DNMT3A: variants seen among roughly 807,000 people sequenced by gnomAD.
DNMT3A encodes the protein DNA methyltransferase 3 alpha.
A neutral mutation model predicts 117.6 loss-of-function variants in DNMT3A; 267 were observed. That is an observed-to-expected ratio of 2.27 (90% CI 2.05 to 2.51). The LOEUF is 2.51. DNMT3A is among the 30% of genes most tolerant of loss of function. The pLI is 0.00. For missense variants in DNMT3A, 1,029 were observed against 1,260.2 expected, an observed-to-expected ratio of 0.82 and a Z score of 2.78; for synonymous variants, 432 against 474.8, an observed-to-expected ratio of 0.91 and a Z score of 1.17.
chr2:25,292,694 CT>C (rs1359802742), intron 3 of DNMT3A, among the ~76,000 whole-genome samples: 11 of 152,156 alleles, frequency 7.2e-5, no homozygotes, highest in African/African-American at 2.7e-4. Flanking sequence ...GCAGCCTTGC[CT>C]TCCCCTTGAT....
rs1348004798 is a variant in DNMT3A, at chr2:25,235,854, G to A, written c.2479-29C>T. On this transcript the variant is annotated intron_variant, in intron 21 of 22. Coordinates refer to ENST00000321117, the MANE Select transcript of DNMT3A (RefSeq NM_022552.5). ...GATGAAGAGGAGAAAAGAGGAATAA[G>A]CACGAATTCATTCACCAGCCAACAC... 3.1e-6 allele frequency: 5 copies of A among 1,589,020 alleles called. No individual in the cohort carries two copies. In the African/African-American group the frequency reaches 4.0e-5, roughly 13 times the overall value.
chr2:25,288,378 C>A (rs1299253242), intron 3 of DNMT3A, among the ~76,000 whole-genome samples: 1 of 151,920 alleles, frequency 6.6e-6, no homozygotes, highest in African/African-American at 2.4e-5. Context: ...TTGCAGTGAG[C>A]CAAGATCGCT....
intron 6 of DNMT3A, among the ~76,000 whole-genome samples, chr2:25,262,072 C>G (rs1676664496): frequency 6.6e-6 from 1 of 151,954 alleles, no homozygotes; most frequent in African/African-American, 2.4e-5. Context: ...TGCCTGTAAC[C>G]CCACCTACTC....
intron 2 of DNMT3A, among the ~76,000 whole-genome samples, chr2:25,303,422 G>A (rs893412522): frequency 5.9e-5 from 9 of 152,206 alleles, no homozygotes; most frequent in South Asian, 2.1e-4. Context: ...GTAGGTGCTC[G>A]GCACATTTTT....
At chr2:25,310,275 C>G (rs970252774) in intron 2 of DNMT3A, among the ~76,000 whole-genome samples, 1 of 151,810 alleles carries the variant, frequency 6.6e-6, no homozygotes, top group Non-Finnish European at 1.5e-5. Context: ...CTCTGCCCCC[C>G]ACCCTCTGCT....
In DNMT3A at chr2:25,241,683, C is replaced by T. The variant is rs1297531346; in HGVS notation, c.1961G>A (p.Gly654Asp). The stretch of plus-strand genomic sequence containing the variant: ...GGCAATGTAGCGGTCCACCTGAATG[C>T]CCAAGTCCTTCAGCACCAGGAGCCC... ...ATGLLVLKDL[G>D]IQVDRYIASE... is the part of the protein sequence containing the mutation. Residue 654 changes from glycine to aspartate, a missense_variant, in exon 17 of 23, where the codon GGC (glycine) becomes GAC (aspartate). Coordinates refer to ENST00000321117, the MANE Select transcript of DNMT3A (RefSeq NM_022552.5). 2 of 1,614,046 alleles carry T rather than the reference C, an allele frequency of 1.2e-6. No homozygotes were observed. Among genetic ancestry groups the T allele is most frequent in the Non-Finnish European group, 1.7e-6 (2 of 1,179,978 alleles).
At chr2:25,338,622 C>T (rs1327969882) in intron 1 of DNMT3A, among the ~76,000 whole-genome samples, 2 of 152,172 alleles carry the variant, frequency 1.3e-5, no homozygotes, top group Admixed American at 6.5e-5. Context: ...GGAGGCCTCA[C>T]CGCTTGTCCA....
Position 25,252,167 on chromosome 2 carries a change from TC to T in DNMT3A, c.640-3916del. ...CCCTGCCGCCTCCCCGCCCCCGGTCTCCCCGGGGCTCCGTCCAGGAACCTAC... is the reference window on the plus strand; with the variant it reads ...CCCTGCCGCCTCCCCGCCCCCGGTCTCCCGGGGCTCCGTCCAGGAACCTAC... On this transcript the variant is annotated intron_variant, in intron 6 of 22. Transcript: ENST00000321117. The surrounding 1 kb of genome is among the most constrained non-coding windows in gnomAD (Gnocchi z 5.5). 2 of 1,557,440 alleles carry T rather than the reference TC, an allele frequency of 1.3e-6. No individual in the cohort carries two copies. Among genetic ancestry groups the T allele is most frequent in the East Asian group, 2.4e-5 (1 of 40,832 alleles).
intron 2 of DNMT3A, among the ~76,000 whole-genome samples, chr2:25,309,943 C>A (rs547959786): frequency 6.6e-6 from 1 of 152,030 alleles, no homozygotes; most frequent in Non-Finnish European, 1.5e-5. Context: ...GTAGTCCCAG[C>A]TACTCAGGAG....
chr2:25,331,232 C>T (rs1268163412), intron 1 of DNMT3A, among the ~76,000 whole-genome samples: 1 of 152,188 alleles, frequency 6.6e-6, no homozygotes, highest in Non-Finnish European at 1.5e-5. Flanking sequence ...AGCCTGGTGG[C>T]CCCAGCACGA....
At chr2:25,333,431 G>C (rs2035089220) in intron 1 of DNMT3A, among the ~76,000 whole-genome samples, 1 of 152,098 alleles carries the variant, frequency 6.6e-6, no homozygotes, top group Non-Finnish European at 1.5e-5. Context: ...CCGGGTTCAA[G>C]TGATTCTCCT....
rs201882909 is a variant in DNMT3A, at chr2:25,248,039, C to T, written c.853G>A (p.Glu285Lys). 1.2e-6 allele frequency: 2 copies of T among 1,611,886 alleles called. No individual in the cohort carries two copies. Among genetic ancestry groups the T allele is most frequent in the African/African-American group, 1.3e-5 (1 of 74,940 alleles). The change falls in exon 7 of 23, where the codon GAG (glutamate) becomes AAG (lysine). Residue 285 changes from glutamate to lysine, a missense_variant and splice_region_variant. By Grantham distance (56) the Glu-to-Lys change is moderately conservative. Coordinates refer to ENST00000321117, the MANE Select transcript of DNMT3A (RefSeq NM_022552.5). The stretch of plus-strand genomic sequence containing the variant: ...CGGCTGGTGAAGAAGCCGCTCACCT[C>T]GTACTCTGGCTCGTCATCGCCTGCT... ...TKAGDDEPEYEDGRGFGIGEL... is the reference protein window; with the variant it reads ...TKAGDDEPEYKDGRGFGIGEL...
intron 6 of DNMT3A, among the ~76,000 whole-genome samples, chr2:25,266,296 G>T (rs562187137): frequency 1.3e-5 from 2 of 152,182 alleles, no homozygotes; most frequent in African/African-American, 4.8e-5. Flanking sequence ...TTGAGGCCAC[G>T]CTGCAAAAGG....
intron 1 of DNMT3A, among the ~76,000 whole-genome samples, chr2:25,336,416 C>T (rs1273602788): frequency 6.6e-6 from 1 of 152,192 alleles, no homozygotes; most frequent in Non-Finnish European, 1.5e-5. Flanking sequence ...CCTTCTCCAC[C>T]TGCCACATCC....
chr2:25,274,805 A>C, intron 6 of DNMT3A, 136 bp downstream of exon 6: 1 of 1,259,336 alleles, frequency 7.9e-7, no homozygotes, highest in East Asian at 2.4e-5. Context: ...GAGCAGATGA[A>C]CCAGTCATCA....
chr2:25,300,305 C>A, intron 2 of DNMT3A, 62 bp from the exon 3 acceptor site: 1 of 1,561,138 alleles, frequency 6.4e-7, no homozygotes, highest in South Asian at 1.1e-5. Flanking sequence ...GCATTCCAGG[C>A]CTGTCTGGGG....
chr2:25,251,529 G>A lies in DNMT3A; in HGVS notation c.640-3277C>T, dbSNP rs562837859. ...CGGTCCAGTCCCATCTCCTCAGGCA[G>A]TTGTCCCGCCTCCACCTCCCCCTGC... On this transcript the variant is annotated intron_variant, in intron 6 of 22. Coordinates refer to ENST00000321117, the MANE Select transcript of DNMT3A (RefSeq NM_022552.5). Among the ~76,000 whole-genome samples, 7 of 152,272 alleles carry A rather than the reference G, an allele frequency of 4.6e-5. No individual in the cohort carries two copies. In the East Asian group the frequency reaches 7.7e-4, roughly 17 times the overall value.
rs1352259738 is a variant in DNMT3A, at chr2:25,282,462, G to C, written c.427C>G (p.Arg143Gly). ...ENGCCTPKEG[R>G]GAPAEAGKEQ... ...TCACCCGCTTCTGCAGGGGCTCCTC[G>C]GCCCTCCTTGGGGGTGCAGCAGCCA... Residue 143 changes from arginine (R) to glycine (G), a missense_variant, in exon 4 of 23, where the codon CGA becomes GGA. By Grantham distance (125) the Arg-to-Gly change is moderately radical (BLOSUM62 -2). Transcript: ENST00000321117. The surrounding 1 kb of genome is among the most constrained non-coding windows in gnomAD (Gnocchi z 5.2). The C allele has an allele frequency of 6.2e-7, 1 of 1,612,858 alleles. No individual in the cohort carries two copies. Among genetic ancestry groups the C allele is most frequent in the Non-Finnish European group, 8.5e-7 (1 of 1,179,834 alleles).
chr2:25,289,961 G>A (rs996618526), intron 3 of DNMT3A, among the ~76,000 whole-genome samples: 1 of 152,170 alleles, frequency 6.6e-6, no homozygotes, highest in African/African-American at 2.4e-5. Context: ...ATATGGGGAG[G>A]TGATTTTTTC....
Sources: allele counts gnomAD v4.1 joint callset (sites outside exome capture counted in the v4.1 genomes callset), GRCh38; gene constraint gnomAD v4.1.1; non-coding constraint Gnocchi (gnomAD v3.1); transcripts MANE v1.5; gene names NCBI Gene and HGNC (gene_info 2026-07-23, HGNC 2026-07-21).